Variants in GPD1L observed in about 807,000 individuals in gnomAD.
GPD1L encodes glycerol-3-phosphate dehydrogenase 1 like.
A neutral mutation model predicts 32.9 loss-of-function variants in GPD1L; 17 were observed. The ratio of observed to expected loss-of-function variants is 0.52; its 90% CI spans 0.35 to 0.78. GPD1L has a LOEUF of 0.78. Ranked by LOEUF, GPD1L falls within the 30% of genes least tolerant of loss-of-function variation. The pLI, the probability that GPD1L is intolerant of heterozygous loss-of-function variation, is 0.01. For missense variants in GPD1L, 361 were observed against 447.8 expected (o/e 0.81, Z 1.75); for synonymous variants, 187 against 165.9 (o/e 1.13, Z -0.98).
intron 1 of GPD1L, 60 bp from the exon 2 acceptor site, chr3:32,128,016 C>T (rs1019605638): frequency 8.1e-5 from 96 of 1,181,716 alleles, no homozygotes; most frequent in African/African-American, 4.2e-4. Flanking sequence ...TTTAATCAAA[C>T]GCTTTTTCTC....
rs1198831119 is a variant in GPD1L at position 32,167,270 on chromosome 3, C to T, written c.*1360C>T. 2.0e-5 allele frequency: 3 copies of T among 152,172 alleles called. No individual in the cohort carries two copies. Among genetic ancestry groups the T allele is most frequent in the Non-Finnish European group, 2.9e-5 (2 of 68,046 alleles). The allele number at this position is 152,172 out of a possible 1,614,324, so 9.4% of individuals were successfully genotyped here. ...AGGTGTCGAATGTATGTTTATACAT[C>T]AGTGGAACCCATTTTTCTAGCCTAG... On this transcript the variant is annotated 3_prime_UTR_variant, in exon 8 of 8. Transcript: ENST00000282541.
chr3:32,160,987 C>G (rs1269653842), intron 7 of GPD1L, among the ~76,000 whole-genome samples: 2 of 152,196 alleles, frequency 1.3e-5, no homozygotes, highest in Non-Finnish European at 2.9e-5. Context: ...CTGAAGGGAG[C>G]TGGGCAGCTG....
At chr3:32,146,234 G>A (rs1479224937) in intron 4 of GPD1L, among the ~76,000 whole-genome samples, 15 of 151,790 alleles carry the variant, frequency 9.9e-5, no homozygotes, top group African/African-American at 2.7e-4. Context: ...CCACAGGTAC[G>A]TGCCACCACG....
intron 7 of GPD1L, among the ~76,000 whole-genome samples, chr3:32,163,271 C>G (rs1284456227): frequency 6.7e-6 from 1 of 149,160 alleles, no homozygotes; most frequent in Non-Finnish European, 1.5e-5. Context: ...CAGGTTCACA[C>G]CATTCTTCTG....
At chr3:32,112,839 CAT>C (rs2125468118) in intron 1 of GPD1L, among the ~76,000 whole-genome samples, 1 of 152,118 alleles carries the variant, frequency 6.6e-6, no homozygotes, top group African/African-American at 2.4e-5. Flanking sequence ...TTCGTTTAAA[CAT>C]GTGACAGGCC....
At chr3:32,148,026 T>C (rs896314487) in intron 5 of GPD1L, among the ~76,000 whole-genome samples, 2 of 152,244 alleles carry the variant, frequency 1.3e-5, no homozygotes, top group African/African-American at 2.4e-5. Flanking sequence ...GGCCCAGTTA[T>C]ACATGTAAGA....
chr3:32,122,559 A>T (rs1462633044), intron 1 of GPD1L, among the ~76,000 whole-genome samples: 1 of 152,210 alleles, frequency 6.6e-6, no homozygotes, highest in African/African-American at 2.4e-5. Flanking sequence ...TCATTATTTC[A>T]TGGGTAATAG....
chr3:32,143,854 C>T (rs576328574), intron 4 of GPD1L, among the ~76,000 whole-genome samples: 70 of 152,124 alleles, frequency 4.6e-4, no homozygotes, highest in South Asian at 2.9e-3. Flanking sequence ...TGGTGGTGCA[C>T]GCCTATGGTC....
intron 7 of GPD1L, among the ~76,000 whole-genome samples, chr3:32,163,043 C>T (rs1410947386): frequency 1.3e-5 from 2 of 152,092 alleles, no homozygotes; most frequent in African/African-American, 4.8e-5. Flanking sequence ...CAGGCATGAG[C>T]CACCACGCCT....
chr3:32,114,316 C>CA (rs1240852076), intron 1 of GPD1L, among the ~76,000 whole-genome samples: 1 of 152,186 alleles, frequency 6.6e-6, no homozygotes, highest in African/African-American at 2.4e-5. Flanking sequence ...TAAGAGAAGG[C>CA]AAACCTTCAT....
intron 4 of GPD1L, among the ~76,000 whole-genome samples, chr3:32,142,187 T>C: frequency 6.6e-6 from 1 of 152,066 alleles, no homozygotes; most frequent in Non-Finnish European, 1.5e-5. Flanking sequence ...GGTGCTATCT[T>C]GGCTCACTGC....
intron 5 of GPD1L, among the ~76,000 whole-genome samples, chr3:32,152,445 G>A (rs1443085265): frequency 1.3e-5 from 2 of 152,230 alleles, no homozygotes; most frequent in East Asian, 3.9e-4. Context: ...GGAAAATCCA[G>A]TATCGGGCAC....
Position 32,168,322 on chromosome 3 carries a change from T to C in GPD1L, c.*2412T>C, listed in dbSNP as rs1245980787. The C allele has an allele frequency of 2.0e-5, 3 of 152,684 alleles. No homozygotes were observed. The highest frequency in any genetic ancestry group is 4.8e-5 in the African/African-American group (2 of 41,468). The allele number at this position is 152,684 out of a possible 1,614,324, so 9.5% of individuals were successfully genotyped here. On this transcript the variant is annotated 3_prime_UTR_variant, in exon 8 of 8. Transcript: ENST00000282541. ...TGTTCATTTTAATTCACATTTCTTATGAAGTATGGTAACAGGGAGGGAGAC... is the reference window on the plus strand; with the variant it reads ...TGTTCATTTTAATTCACATTTCTTACGAAGTATGGTAACAGGGAGGGAGAC...
rs1013472766 is a variant in GPD1L, at chr3:32,125,440, C to T, written c.48-2636C>T. Among the ~76,000 whole-genome samples the T allele has an allele frequency of 2.0e-5, 3 of 152,212 alleles. No homozygotes were observed. In the East Asian group the frequency reaches 5.8e-4, roughly 29 times the overall value. ...GCACTGCTGTGTCTGCTCTTCCCAGCCCTGATTTGCGAAGCTTTTTTTGCT... is the reference window on the plus strand; with the variant it reads ...GCACTGCTGTGTCTGCTCTTCCCAGTCCTGATTTGCGAAGCTTTTTTTGCT... On this transcript the variant is annotated intron_variant, in intron 1 of 7. Transcript: ENST00000282541.
At chr3:32,151,577 T>C (rs1700920400) in intron 5 of GPD1L, 1 of 219,316 alleles carries the variant, frequency 4.6e-6, no homozygotes. Context: ...CCTCCTGGGC[T>C]CAAGTGATCC....
chr3:32,164,900 GT>G (rs751586510), intron 7 of GPD1L, among the ~76,000 whole-genome samples: 147 of 57,852 alleles, frequency 2.5e-3, no homozygotes, highest in Non-Finnish European at 3.4e-3. Flanking sequence ...TTTGAGCTAT[GT>G]GTGTGTGTGT....
intron 1 of GPD1L, among the ~76,000 whole-genome samples, chr3:32,121,227 C>T (rs916595078): frequency 6.6e-6 from 1 of 151,864 alleles, no homozygotes; most frequent in Non-Finnish European, 1.5e-5. Flanking sequence ...ACTGTCTCCT[C>T]TTCTCTCCTT....
At chr3:32,148,975 A>G (rs1171738851) in intron 5 of GPD1L, among the ~76,000 whole-genome samples, 2 of 152,186 alleles carry the variant, frequency 1.3e-5, no homozygotes, top group Non-Finnish European at 2.9e-5. Context: ...TACCCTTCCA[A>G]TGTTTTTAGT....
chr3:32,112,825 T>C (rs1428955982), intron 1 of GPD1L, among the ~76,000 whole-genome samples: 2 of 152,196 alleles, frequency 1.3e-5, no homozygotes, highest in South Asian at 2.1e-4. Flanking sequence ...GTACATGATG[T>C]TATTTCGTTT....
Sources: allele counts gnomAD v4.1 joint callset (sites outside exome capture counted in the v4.1 genomes callset), GRCh38; gene constraint gnomAD v4.1.1; transcripts MANE v1.5; gene names NCBI Gene and HGNC (gene_info 2026-07-23, HGNC 2026-07-21).